The following BAIAP2L1 variants were observed in gnomAD, a reference collection of about 807,000 sequenced individuals.
BAIAP2L1 encodes the protein BAR/IMD domain containing adaptor protein 2 like 1, also known as BAR/IMD domain-containing adapter protein 2-like 1.
BAIAP2L1 carries 35 observed loss-of-function variants against 66.3 expected under a neutral mutation model. That is an observed-to-expected ratio of 0.53 (90% CI 0.40 to 0.70). The LOEUF (loss-of-function observed/expected upper bound fraction) is 0.70, where lower values mean the gene tolerates loss of function less well. BAIAP2L1 is among the 30% of genes least tolerant of loss of function. The pLI is 0.00. For synonymous variants in BAIAP2L1, 269 were observed against 248.7 expected, an observed-to-expected ratio of 1.08 and a Z score of -0.77; for missense variants, 622 against 656.9, an observed-to-expected ratio of 0.95 and a Z score of 0.58.
At chr7:98,357,023 ATAT>A (rs1369730744) in intron 2 of BAIAP2L1, among the ~76,000 whole-genome samples, 1 of 13,332 alleles carries the variant, frequency 7.5e-5, no homozygotes, top group African/African-American at 3.1e-4. Flanking sequence ...AAAAAAAAAT[ATAT>A]ATATATATAT....
chr7:98,334,789 G>A (rs574038649), intron 3 of BAIAP2L1, among the ~76,000 whole-genome samples: 8 of 151,242 alleles, frequency 5.3e-5, no homozygotes, highest in South Asian at 4.2e-4. Flanking sequence ...CAGGTGATCC[G>A]CCCGCCTCGG....
At chr7:98,360,523 A>C (rs1413808358) in intron 2 of BAIAP2L1, among the ~76,000 whole-genome samples, 18 of 152,176 alleles carry the variant, frequency 1.2e-4, no homozygotes, top group Admixed American at 3.9e-4. Context: ...AGGAGGTGCT[A>C]AAGTGTCAAG....
At position 98,388,609 on chromosome 7, in the gene BAIAP2L1, C is replaced by T. The variant is rs144275513; in HGVS notation, c.51+12193G>A. On this transcript the variant is annotated intron_variant, in intron 1 of 13. Transcript: ENST00000005260. Reference sequence around the variant, plus strand: ...TGTACTGTCAGACATAACTGATGTCCTGTATCTTAAGCTGCTCAAAGTGTA... The same window carrying T: ...TGTACTGTCAGACATAACTGATGTCTTGTATCTTAAGCTGCTCAAAGTGTA... Among the ~76,000 whole-genome samples the T allele has an allele frequency of 4.7e-3, 711 of 152,288 alleles. 11 individuals are homozygous for T. The highest frequency in any genetic ancestry group is 0.016 in the African/African-American group (671 of 41,558).
At chr7:98,377,584 C>G (rs187756504) in intron 1 of BAIAP2L1, among the ~76,000 whole-genome samples, 1 of 152,130 alleles carries the variant, frequency 6.6e-6, no homozygotes, top group East Asian at 1.9e-4. Context: ...TTTGGGAGAC[C>G]AAGGCGGGTG....
Position 98,294,069 on chromosome 7 carries a change from C to T in BAIAP2L1, c.1460+5G>A, listed in dbSNP as rs1562961434. 10 of 1,614,030 alleles carry T rather than the reference C, an allele frequency of 6.2e-6. No individual in the cohort carries two copies. In the East Asian group the frequency reaches 2.0e-4, roughly 32 times the overall value. ...ACTGAGGCTCACGTAGGAAGCCACG[C>T]CTACCTGAGAAAAGGCGGCTTTGCA... On this transcript the variant is annotated splice_donor_5th_base_variant and intron_variant, in intron 13 of 13. Transcript: ENST00000005260.
intron 2 of BAIAP2L1, among the ~76,000 whole-genome samples, chr7:98,358,667 T>G (rs1281349316): frequency 6.6e-6 from 1 of 152,136 alleles, no homozygotes; most frequent in Non-Finnish European, 1.5e-5. Context: ...TAGTTCTATT[T>G]TAGTGGTTGG....
chr7:98,392,865 T>C (rs1270664304), intron 1 of BAIAP2L1, among the ~76,000 whole-genome samples: 1 of 112,022 alleles, frequency 8.9e-6, no homozygotes, highest in African/African-American at 2.8e-5. Flanking sequence ...CAGTCTCAGC[T>C]CACTGCAACC....
chr7:98,347,602 C>T (rs1047927606), intron 3 of BAIAP2L1, among the ~76,000 whole-genome samples: 1 of 151,938 alleles, frequency 6.6e-6, no homozygotes, highest in South Asian at 2.1e-4. Flanking sequence ...GGTGAAAACC[C>T]GCCTCTACTA....
intron 1 of BAIAP2L1, among the ~76,000 whole-genome samples, chr7:98,377,570 G>C (rs1438045825): frequency 1.3e-5 from 2 of 152,162 alleles, no homozygotes; most frequent in Non-Finnish European, 2.9e-5. Context: ...TGTAATCCCA[G>C]CACTTTGGGA....
chr7:98,369,337 G>T lies in BAIAP2L1; in HGVS notation c.52-6905C>A, dbSNP rs900945013. On this transcript the variant is annotated intron_variant, in intron 1 of 13. Coordinates refer to ENST00000005260, the MANE Select transcript of BAIAP2L1 (RefSeq NM_018842.5). ...ATCTCTACCAAAAATACAAAAATTTGCTGGGCACGGCGGTGGGTGCCTGTA... is the reference window on the plus strand; with the variant it reads ...ATCTCTACCAAAAATACAAAAATTTTCTGGGCACGGCGGTGGGTGCCTGTA... Among the ~76,000 whole-genome samples the T allele has an allele frequency of 2.0e-5, 3 of 152,212 alleles. 1 individual carries two copies. Among genetic ancestry groups the T allele is most frequent in the African/African-American group, 7.2e-5 (3 of 41,546 alleles).
At chr7:98,311,929 CAT>C (rs1450227358) in intron 8 of BAIAP2L1, among the ~76,000 whole-genome samples, 166 bp downstream of exon 8, 3 of 152,120 alleles carry the variant, frequency 2.0e-5, no homozygotes, top group African/African-American at 2.4e-5. Context: ...AAAAAACAAA[CAT>C]GTGCCCAGCT....
chr7:98,373,719 T>G (rs910226581), intron 1 of BAIAP2L1, among the ~76,000 whole-genome samples: 5 of 152,164 alleles, frequency 3.3e-5, no homozygotes, highest in Non-Finnish European at 7.3e-5. Context: ...GAACCAACTG[T>G]AGTAATTAAT....
intron 1 of BAIAP2L1, among the ~76,000 whole-genome samples, chr7:98,391,254 C>T (rs1562795104): frequency 6.6e-6 from 1 of 152,088 alleles, no homozygotes. Context: ...GACTTGGGCT[C>T]ATCTATTCTG....
At chr7:98,377,074 C>T (rs1316997973) in intron 1 of BAIAP2L1, among the ~76,000 whole-genome samples, 1 of 152,176 alleles carries the variant, frequency 6.6e-6, no homozygotes, top group Non-Finnish European at 1.5e-5. Flanking sequence ...AGAGTCAGCT[C>T]CCAGGCTGCC....
At chr7:98,318,153 G>A (rs371962576) in intron 5 of BAIAP2L1, among the ~76,000 whole-genome samples, 1 of 152,190 alleles carries the variant, frequency 6.6e-6, no homozygotes, top group African/African-American at 2.4e-5. Context: ...CAACTTTAAT[G>A]TCTTGGCTTT....
At chr7:98,367,894 G>A (rs892456421) in intron 1 of BAIAP2L1, among the ~76,000 whole-genome samples, 4 of 151,958 alleles carry the variant, frequency 2.6e-5, no homozygotes, top group Admixed American at 6.6e-5. Context: ...AAAGTGCTGG[G>A]ATTACAGGCG....
intron 1 of BAIAP2L1, among the ~76,000 whole-genome samples, chr7:98,389,816 T>G (rs1802984230): frequency 6.6e-6 from 1 of 152,076 alleles, no homozygotes; most frequent in Non-Finnish European, 1.5e-5. Flanking sequence ...CCCCTGAAAG[T>G]AAAGTCTTGA....
At chr7:98,299,339 A>G (rs970533390) in intron 12 of BAIAP2L1, among the ~76,000 whole-genome samples, 3 of 150,870 alleles carry the variant, frequency 2.0e-5, no homozygotes, top group African/African-American at 4.9e-5. Context: ...TTAATTTTCT[A>G]TATAGACGAG....
chr7:98,349,005 G>T (rs916620605), intron 3 of BAIAP2L1, among the ~76,000 whole-genome samples: 1 of 152,240 alleles, frequency 6.6e-6, no homozygotes, highest in Non-Finnish European at 1.5e-5. Context: ...CCTGGGCGGG[G>T]TGAGCTCTGC....
Sources: allele counts gnomAD v4.1 joint callset (sites outside exome capture counted in the v4.1 genomes callset), GRCh38; gene constraint gnomAD v4.1.1; transcripts MANE v1.5; gene names NCBI Gene and HGNC (gene_info 2026-07-23, HGNC 2026-07-21).